The following SPATA6 variants were observed in gnomAD, a reference collection of about 807,000 sequenced individuals.
SPATA6 encodes spermatogenesis-associated protein 6.
SPATA6 carries 56 observed loss-of-function variants against 65.3 expected under a neutral mutation model. The observed-to-expected ratio is 0.86, with a 90% CI of 0.69 to 1.07. The LOEUF (loss-of-function observed/expected upper bound fraction) is 1.07, where lower values mean the gene tolerates loss of function less well. Among genes scored for constraint, SPATA6 ranks in the 50% least tolerant of loss-of-function variants. The probability of loss-of-function intolerance (pLI) is 0.00; values close to 1 mark genes in which losing one functional copy is unlikely to be tolerated. For missense variants in SPATA6, 590 were observed against 594.8 expected (o/e 0.99, Z 0.08); for synonymous variants, 199 against 213.2 (o/e 0.93, Z 0.58).
At chr1:48,276,160 T>A in the SPATA6 span, among the ~76,000 whole-genome samples, 1 of 152,338 alleles carries the variant, frequency 6.6e-6, no homozygotes, top group Admixed American at 6.5e-5. Flanking sequence ...GGTATTTGTA[T>A]TTCTGTGAGA....
intron 1 of SPATA6, among the ~76,000 whole-genome samples, chr1:48,461,786 C>T (rs370424423): frequency 2.0e-5 from 3 of 152,172 alleles, no homozygotes; most frequent in East Asian, 1.9e-4. Flanking sequence ...GTCAGTGTGG[C>T]GATTCCTCAG....
intron 9 of SPATA6, 116 bp from the exon 10 acceptor site, chr1:48,359,886 T>C: frequency 2.6e-6 from 2 of 765,964 alleles, no homozygotes. Context: ...CACACACTAA[T>C]TTTATAAAAG....
chr1:48,351,065 T>C (rs1159863670), intron 11 of SPATA6, among the ~76,000 whole-genome samples: 5 of 151,924 alleles, frequency 3.3e-5, no homozygotes, highest in African/African-American at 1.2e-4. Context: ...AGCATACAGA[T>C]CCTACACATA....
At chr1:48,371,300 T>TAGATAGAC (rs1647260753) in intron 9 of SPATA6, among the ~76,000 whole-genome samples, 1 of 152,068 alleles carries the variant, frequency 6.6e-6, no homozygotes, top group Middle Eastern at 3.2e-3. Flanking sequence ...GATAGATAGA[T>TAGATAGAC]AGATAGATAG....
At chr1:48,293,323 AC>A (rs1265854095), downstream of SPATA6, among the ~76,000 whole-genome samples, 2 of 152,026 alleles carry the variant, frequency 1.3e-5, no homozygotes, top group Non-Finnish European at 2.9e-5. Flanking sequence ...ATAAAATGAG[AC>A]TTCTTCATAC....
chr1:48,454,814 G>T (rs957163573), intron 1 of SPATA6, among the ~76,000 whole-genome samples: 3 of 152,134 alleles, frequency 2.0e-5, no homozygotes, highest in African/African-American at 7.2e-5. Flanking sequence ...TGAGTCATAA[G>T]ATTAAATAAG....
chr1:48,339,921 C>T (rs1028732736), intron 11 of SPATA6, among the ~76,000 whole-genome samples: 1 of 151,880 alleles, frequency 6.6e-6, no homozygotes, highest in Non-Finnish European at 1.5e-5. Context: ...TGAATTGCTC[C>T]TCATCCTTTT....
At chr1:48,457,170 G>A (rs1482642575) in intron 1 of SPATA6, among the ~76,000 whole-genome samples, 2 of 152,108 alleles carry the variant, frequency 1.3e-5, no homozygotes, top group East Asian at 1.9e-4. Context: ...GGTGGCTCAC[G>A]CCTGGAATCC....
chr1:48,295,518 GAA>G lies in SPATA6; in HGVS notation c.*3193_*3194del, dbSNP rs1193787932. 1 of 152,154 alleles carries G rather than the reference GAA, an allele frequency of 6.6e-6. No individual in the cohort carries two copies. The highest frequency in any genetic ancestry group is 1.5e-5 in the Non-Finnish European group (1 of 68,010). The allele number at this position is 152,154 out of a possible 1,614,324, so 9.4% of individuals were successfully genotyped here. ...ACATGTTGTATGGTTCCATTTATAT[GAA>G]ATGTCCAGAATAGGCATGGAGACAA... On this transcript the variant is annotated 3_prime_UTR_variant, in exon 13 of 13. Coordinates refer to ENST00000371847, the MANE Select transcript of SPATA6 (RefSeq NM_019073.4).
chr1:48,430,801 A>AG (rs1227063192), intron 3 of SPATA6, among the ~76,000 whole-genome samples: 1 of 152,182 alleles, frequency 6.6e-6, no homozygotes, highest in Non-Finnish European at 1.5e-5. Context: ...ACAGAAACTT[A>AG]AACAATTCAT....
chr1:48,385,512 A>C (rs1649372772), intron 8 of SPATA6, among the ~76,000 whole-genome samples, 163 bp from the exon 9 acceptor site: 1 of 152,210 alleles, frequency 6.6e-6, no homozygotes, highest in Admixed American at 6.5e-5. Context: ...CCATTAGTTA[A>C]AATTTGTATT....
At chr1:48,364,917 T>C (rs915705176) in intron 9 of SPATA6, among the ~76,000 whole-genome samples, 4 of 152,174 alleles carry the variant, frequency 2.6e-5, no homozygotes, top group Non-Finnish European at 5.9e-5. Flanking sequence ...TCTTCTAGGG[T>C]TTTTATGGTT....
intron 9 of SPATA6, 67 bp from the exon 10 acceptor site, chr1:48,359,837 A>G: frequency 8.1e-7 from 1 of 1,235,526 alleles, no homozygotes; most frequent in Non-Finnish European, 1.1e-6. Flanking sequence ...CATATTATAT[A>G]GTAATATAGT....
intron 9 of SPATA6, among the ~76,000 whole-genome samples, chr1:48,370,552 G>A (rs1160169506): frequency 6.6e-6 from 1 of 152,150 alleles, no homozygotes; most frequent in Non-Finnish European, 1.5e-5. Flanking sequence ...CACTGAAGCT[G>A]AATTTGAAAG....
chr1:48,347,838 C>T (rs1646412683), intron 11 of SPATA6, among the ~76,000 whole-genome samples: 1 of 151,940 alleles, frequency 6.6e-6, no homozygotes, highest in Non-Finnish European at 1.5e-5. Flanking sequence ...GGAACTGACT[C>T]AATTAGTCCT....
the SPATA6 span, among the ~76,000 whole-genome samples, chr1:48,267,108 T>C: frequency 0.14 from 21,353 of 152,068 alleles, 1,697 homozygotes; most frequent in African/African-American, 0.2. Flanking sequence ...GAGCCCTTAC[T>C]GAAATGAGAA....
chr1:48,323,778 C>G (rs765195406), intron 11 of SPATA6, among the ~76,000 whole-genome samples: 1 of 152,024 alleles, frequency 6.6e-6, no homozygotes, highest in Non-Finnish European at 1.5e-5. Flanking sequence ...TTCCTAAACA[C>G]GTAAAACTTA....
intron 11 of SPATA6, among the ~76,000 whole-genome samples, chr1:48,308,097 G>A (rs576169912): frequency 6.6e-6 from 1 of 151,780 alleles, no homozygotes; most frequent in African/African-American, 2.4e-5. Flanking sequence ...CCACCTATAG[G>A]TATGTTTACA....
intron 11 of SPATA6, among the ~76,000 whole-genome samples, chr1:48,332,338 C>T (rs111454642): frequency 0.025 from 3,739 of 152,158 alleles, 98 homozygotes; most frequent in African/African-American, 0.067. Context: ...CTTCAAGAGA[C>T]CCATCTCACA....
Sources: gnomAD v4.1 joint callset for allele counts (sites outside exome capture counted in the v4.1 genomes callset) on GRCh38, gnomAD v4.1.1 for gene constraint, MANE v1.5 for transcripts, NCBI Gene and HGNC (gene_info 2026-07-23, HGNC 2026-07-21) for gene names.